The following SV2C variants were observed in gnomAD, a reference collection of about 807,000 sequenced individuals.
SV2C encodes synaptic vesicle glycoprotein 2C.
Under a neutral mutation model 79.7 loss-of-function variants are expected in SV2C, and 49 were observed. The observed-to-expected ratio is 0.61, with a 90% CI of 0.49 to 0.78. SV2C has a LOEUF of 0.78. Among genes scored for constraint, SV2C ranks in the 30% least tolerant of loss-of-function variants. The pLI is 0.00. For missense variants in SV2C, 833 were observed against 912.9 expected (o/e 0.91, Z 1.13); for synonymous variants, 334 against 333.2 (o/e 1.00, Z -0.03).
chr5:76,213,612 G>A (rs1050588124), intron 4 of SV2C, among the ~76,000 whole-genome samples: 2 of 152,018 alleles, frequency 1.3e-5, no homozygotes, highest in African/African-American at 4.8e-5. Context: ...CTTTATTGAG[G>A]TATGACTGAC....
the SV2C span, among the ~76,000 whole-genome samples, chr5:76,062,849 C>T: frequency 6.6e-6 from 1 of 152,136 alleles, no homozygotes; most frequent in Non-Finnish European, 1.5e-5. Context: ...ATTAAACCCA[C>T]ATGAGCTCTT....
the SV2C span, among the ~76,000 whole-genome samples, chr5:75,941,929 A>G: frequency 1.1e-4 from 16 of 152,348 alleles, no homozygotes; most frequent in East Asian, 2.9e-3. Flanking sequence ...AGAGGCCAGG[A>G]AGAATCTGAA....
intron 4 of SV2C, among the ~76,000 whole-genome samples, chr5:76,236,971 G>A (rs886097918): frequency 3.3e-5 from 5 of 152,056 alleles, no homozygotes; most frequent in Non-Finnish European, 5.9e-5. Context: ...TATAAGCATC[G>A]GGCATTTGCC....
At chr5:75,920,702 G>A in the SV2C span, 3 of 748,230 alleles carry the variant, frequency 4.0e-6, no homozygotes, top group Non-Finnish European at 7.5e-6. Context: ...TGAGGGCACT[G>A]CCGGTGTGGA....
At chr5:76,182,732 T>C (rs2112303037) in intron 2 of SV2C, among the ~76,000 whole-genome samples, 1 of 152,258 alleles carries the variant, frequency 6.6e-6, no homozygotes, top group Middle Eastern at 3.4e-3. Context: ...TGTTTGGCTA[T>C]TCCTGCATTG....
intron 4 of SV2C, among the ~76,000 whole-genome samples, chr5:76,213,234 G>C (rs1019217090): frequency 6.6e-6 from 1 of 152,118 alleles, no homozygotes; most frequent in African/African-American, 2.4e-5. Context: ...AAAATGAAAA[G>C]CTTTAAAAAT....
chr5:76,125,202 A>G (rs545850679), intron 1 of SV2C, among the ~76,000 whole-genome samples: 3 of 152,344 alleles, frequency 2.0e-5, no homozygotes, highest in South Asian at 2.1e-4. Context: ...ATACACAGAT[A>G]TGCTAAATAC....
At chr5:76,325,299 T>C in intron 12 of SV2C, 65 bp from the exon 13 acceptor site, 1 of 1,510,214 alleles carries the variant, frequency 6.6e-7, no homozygotes, top group Non-Finnish European at 9.1e-7. Flanking sequence ...TAGGATCTTT[T>C]GGTCTAAAGT....
chr5:75,925,279 C>T, the SV2C span, among the ~76,000 whole-genome samples: 1 of 152,118 alleles, frequency 6.6e-6, no homozygotes, highest in African/African-American at 2.4e-5. Flanking sequence ...CACCTCTGAC[C>T]CCAGGAAAGA....
Position 76,213,512 on chromosome 5 carries a change from A to G in SV2C, c.913+3625A>G, listed in dbSNP as rs190641252. ...ACCACCTCCCCCATACCCTGAAAACACTCATGCTTGGATTTACCCCACATC... is the reference window on the plus strand; with the variant it reads ...ACCACCTCCCCCATACCCTGAAAACGCTCATGCTTGGATTTACCCCACATC... On this transcript the variant is annotated intron_variant, in intron 4 of 12. Coordinates refer to ENST00000502798, the MANE Select transcript of SV2C (RefSeq NM_014979.4). 2.6e-5 allele frequency among the ~76,000 whole-genome samples: 4 copies of G among 152,206 alleles called. No homozygotes were observed. The East Asian group carries it at 7.7e-4, about 29-fold the overall frequency.
At chr5:76,157,054 A>T (rs966268333) in intron 2 of SV2C, among the ~76,000 whole-genome samples, 5 of 152,126 alleles carry the variant, frequency 3.3e-5, no homozygotes, top group Non-Finnish European at 7.4e-5. Flanking sequence ...ATATTAATGT[A>T]CATATCTAGA....
Position 76,104,828 on chromosome 5 carries a change from A to G in SV2C, c.-102+21316A>G, listed in dbSNP as rs1340904497. Among the ~76,000 whole-genome samples the G allele has an allele frequency of 2.6e-5, 4 of 152,066 alleles. No individual in the cohort carries two copies. The East Asian group carries it at 7.7e-4, about 29-fold the overall frequency. On this transcript the variant is annotated intron_variant, in intron 1 of 12. Transcript: ENST00000502798. ...ACCTGCTCTTTCTCATTCTCTTTTC[A>G]TGGGCTTTTGTCTACATGCGGTTGT...
chr5:76,149,318 C>G (rs967358429), intron 2 of SV2C, among the ~76,000 whole-genome samples: 2 of 152,188 alleles, frequency 1.3e-5, no homozygotes, highest in African/African-American at 4.8e-5. Context: ...ATGACCTAGA[C>G]CAGTGCCCCC....
Position 76,095,622 on chromosome 5 carries a change from T to C in SV2C, c.-102+12110T>C, listed in dbSNP as rs574252755. On this transcript the variant is annotated intron_variant, in intron 1 of 12. Coordinates refer to ENST00000502798, the MANE Select transcript of SV2C (RefSeq NM_014979.4). ...GGCATTATCCAAAGACCTTTAAAAA[T>C]ATATATGAATTATTTAAGAATCATT... Among the ~76,000 whole-genome samples, 200 of 152,286 alleles carry C rather than the reference T, an allele frequency of 1.3e-3. 1 individual carries two copies. Among genetic ancestry groups the C allele is most frequent in the African/African-American group, 4.7e-3 (194 of 41,584 alleles).
At chr5:75,898,010 G>C in the SV2C span, among the ~76,000 whole-genome samples, 1 of 151,924 alleles carries the variant, frequency 6.6e-6, no homozygotes, top group Admixed American at 6.6e-5. Context: ...CATATCGTCT[G>C]CAAACAGGGA....
At chr5:76,089,015 A>G (rs1747287994) in intron 1 of SV2C, among the ~76,000 whole-genome samples, 1 of 152,234 alleles carries the variant, frequency 6.6e-6, no homozygotes, top group East Asian at 1.9e-4. Flanking sequence ...AAACATGAAC[A>G]AGTTTCTTTT....
intron 2 of SV2C, among the ~76,000 whole-genome samples, chr5:76,187,009 C>T (rs1318162813): frequency 6.6e-6 from 1 of 152,146 alleles, no homozygotes; most frequent in Non-Finnish European, 1.5e-5. Context: ...TTTTCTCCCT[C>T]AGCACAGAAC....
intron 4 of SV2C, among the ~76,000 whole-genome samples, chr5:76,280,257 T>G (rs866893590): frequency 1.3e-5 from 2 of 151,824 alleles, no homozygotes; most frequent in African/African-American, 4.8e-5. Flanking sequence ...ATGTGTGTGT[T>G]CATATGTGTG....
At chr5:76,242,014 T>C (rs993597339) in intron 4 of SV2C, 74 of 1,353,084 alleles carry the variant, frequency 5.5e-5, no homozygotes, top group Non-Finnish European at 7.6e-5. Flanking sequence ...TTATCAAAAA[T>C]GCACACACTT....
Sources: allele counts gnomAD v4.1 joint callset (sites outside exome capture counted in the v4.1 genomes callset), GRCh38; gene constraint gnomAD v4.1.1; transcripts MANE v1.5; gene names NCBI Gene and HGNC (gene_info 2026-07-23, HGNC 2026-07-21).